SND1: variants seen among roughly 807,000 people sequenced by gnomAD.
SND1 encodes staphylococcal nuclease and tudor domain containing 1, also known as staphylococcal nuclease domain-containing protein 1.
A neutral mutation model predicts 121.7 loss-of-function variants in SND1; 38 were observed. The observed-to-expected ratio is 0.31, with a 90% CI of 0.24 to 0.41. The LOEUF (loss-of-function observed/expected upper bound fraction) is 0.41, where lower values mean the gene tolerates loss of function less well. Among genes scored for constraint, SND1 ranks in the 10% least tolerant of loss-of-function variants. The pLI, the probability that SND1 is intolerant of heterozygous loss-of-function variation, is 1.00. For missense variants in SND1, 868 were observed against 1,184.6 expected (o/e 0.73, Z 3.92); for synonymous variants, 401 against 447.4 (o/e 0.90, Z 1.31).
intron 1 of SND1, among the ~76,000 whole-genome samples, chr7:127,683,806 G>A (rs550370225): frequency 6.6e-6 from 1 of 152,164 alleles, no homozygotes; most frequent in African/African-American, 2.4e-5. Flanking sequence ...ATATTCAATG[G>A]TATAAAAGGT....
At chr7:127,802,974 CTT>C (rs1038057019) in intron 10 of SND1, among the ~76,000 whole-genome samples, 10 of 152,204 alleles carry the variant, frequency 6.6e-5, no homozygotes, top group Non-Finnish European at 1.2e-4. Flanking sequence ...GATGTAATCT[CTT>C]ATGATTTCCT....
rs541965579 is a variant in SND1, at chr7:128,028,463, A to AT, written c.1779+37409dup. 60 of 455,424 alleles carry AT rather than the reference A, an allele frequency of 1.3e-4. No individual in the cohort carries two copies. The East Asian group carries it at 2.2e-3, about 16-fold the overall frequency. 28.2% of individuals were successfully genotyped at this position (455,424 alleles called of 1,614,324 possible). On this transcript the variant is annotated intron_variant, in intron 16 of 23. Transcript: ENST00000354725. Reference sequence around the variant, plus strand: ...GCTTGTACCCCACAACGTTCCCAAGATTCCCCCCCACCCCCTTTAAATAGA... The same window carrying AT: ...GCTTGTACCCCACAACGTTCCCAAGATTTCCCCCCCACCCCCTTTAAATAGA...
intron 10 of SND1, among the ~76,000 whole-genome samples, chr7:127,790,509 T>G (rs1401470511): frequency 6.6e-6 from 1 of 152,230 alleles, no homozygotes; most frequent in Non-Finnish European, 1.5e-5. Flanking sequence ...CTTTTGCTCC[T>G]GCCATTTTTA....
chr7:127,860,761 C>A (rs1195610764), intron 12 of SND1, among the ~76,000 whole-genome samples: 1 of 152,110 alleles, frequency 6.6e-6, no homozygotes, highest in Non-Finnish European at 1.5e-5. Context: ...GCTAGCTAAC[C>A]AAAACTGTAT....
intron 12 of SND1, among the ~76,000 whole-genome samples, chr7:127,863,126 A>G (rs1179575596): frequency 6.6e-6 from 1 of 152,232 alleles, no homozygotes; most frequent in African/African-American, 2.4e-5. Context: ...ATGAAAATTA[A>G]TAACAACAGC....
intron 16 of SND1, among the ~76,000 whole-genome samples, chr7:128,021,918 T>C (rs1803357159): frequency 6.6e-6 from 1 of 151,884 alleles, no homozygotes; most frequent in Non-Finnish European, 1.5e-5. Context: ...AGAAGGTAGG[T>C]GGGGGCTGGG....
chr7:127,991,175 A>G, intron 16 of SND1, 119 bp downstream of exon 16: 1 of 680,404 alleles, frequency 1.5e-6, no homozygotes, highest in Non-Finnish European at 2.5e-6. Flanking sequence ...GCACATCCAT[A>G]ATCCATTCTT....
At chr7:127,955,286 T>C (rs574132500) in intron 15 of SND1, among the ~76,000 whole-genome samples, 5 of 152,318 alleles carry the variant, frequency 3.3e-5, no homozygotes, top group Admixed American at 3.3e-4. Flanking sequence ...CACTGGGCTG[T>C]TTAAGGTTGT....
intron 10 of SND1, among the ~76,000 whole-genome samples, chr7:127,739,462 A>G (rs1347349885): frequency 6.6e-6 from 1 of 152,110 alleles, no homozygotes; most frequent in Non-Finnish European, 1.5e-5. Flanking sequence ...GACAACCATC[A>G]TGATTTCTTT....
chr7:127,897,244 T>C (rs1280713678), intron 13 of SND1, among the ~76,000 whole-genome samples: 1 of 152,180 alleles, frequency 6.6e-6, no homozygotes, highest in Non-Finnish European at 1.5e-5. Flanking sequence ...ATCTCTGGGC[T>C]ATGGCAATGA....
chr7:127,728,591 G>A (rs969105327), intron 10 of SND1, among the ~76,000 whole-genome samples: 14 of 152,186 alleles, frequency 9.2e-5, no homozygotes, highest in African/African-American at 3.1e-4. Flanking sequence ...CTGTAGCATC[G>A]TGCACTGTTT....
At chr7:128,014,566 G>A (rs770820057) in intron 16 of SND1, among the ~76,000 whole-genome samples, 1 of 152,154 alleles carries the variant, frequency 6.6e-6, no homozygotes, top group African/African-American at 2.4e-5. Flanking sequence ...CACTTGTGTC[G>A]TCCTCCTTAG....
chr7:128,089,664 T>G lies in SND1; in HGVS notation c.2594T>G (p.Val865Gly), dbSNP rs1157234919. The G allele has an allele frequency of 6.2e-7, 1 of 1,613,590 alleles. No individual in the cohort carries two copies. The highest frequency in any genetic ancestry group is 2.2e-5 in the East Asian group (1 of 44,862). ...LVKEGLVMVE[V>G]RKEKQFQKVI... The stretch of plus-strand genomic sequence containing the variant: ...AAGGAAGGGCTGGTCATGGTGGAGG[T>G]GCGCAAGGAGAAACAGTTCCAGAAA... Residue 865 changes from valine (V) to glycine (G), a missense_variant, in exon 22 of 24, where the codon GTG (valine) becomes GGG (glycine). Val to Gly is a moderately radical substitution (Grantham distance 109). Around this residue, in one of 2 missense-constraint regions of SND1, gnomAD observed 743 missense variants for 1,071.3 expected, o/e 0.69. Transcript: ENST00000354725.
At chr7:127,676,536 CA>C (rs1187242750) in intron 1 of SND1, among the ~76,000 whole-genome samples, 1 of 152,182 alleles carries the variant, frequency 6.6e-6, no homozygotes, top group Non-Finnish European at 1.5e-5. Context: ...GACAGTTTGT[CA>C]AGTATGAAGT....
At chr7:128,031,065 G>A (rs1249023393) in intron 16 of SND1, 1 of 148,808 alleles carries the variant, frequency 6.7e-6, no homozygotes, top group Non-Finnish European at 1.5e-5. Context: ...GAGGGGAGGG[G>A]AGGGAAGGGG....
chr7:127,957,563 A>C (rs958288724), intron 15 of SND1, among the ~76,000 whole-genome samples: 1 of 152,110 alleles, frequency 6.6e-6, no homozygotes, highest in Non-Finnish European at 1.5e-5. Context: ...AAATGGCAAA[A>C]AGTTATACCG....
In SND1 at chr7:127,904,820, G is replaced by T; in HGVS notation, c.1527+1G>T. 6.3e-7 allele frequency: 1 copy of T among 1,593,420 alleles called. No individual in the cohort carries two copies. The highest frequency in any genetic ancestry group is 8.6e-7 in the Non-Finnish European group (1 of 1,161,310). ...CCACCGTGTTGCAGATATATCTGGG[G>T]TGAGTCGAGTCCCTGAATCAAGCTG... On this transcript the variant is annotated splice_donor_variant, in intron 14 of 23. Coordinates refer to ENST00000354725, the MANE Select transcript of SND1 (RefSeq NM_014390.4). LOFTEE classifies it high-confidence loss of function.
At chr7:127,935,673 G>A (rs1169186680) in intron 15 of SND1, among the ~76,000 whole-genome samples, 1 of 152,210 alleles carries the variant, frequency 6.6e-6, no homozygotes, top group Non-Finnish European at 1.5e-5. Flanking sequence ...AAAGTGAGTA[G>A]GCATGCTATT....
Position 128,052,149 on chromosome 7 carries a change from C to T in SND1, c.1780-22353C>T, listed in dbSNP as rs1347099756. Reference sequence around the variant, plus strand: ...GATGACCTTCAGTTCAGTTGGAGTGCTCTGGAACTCACTAGGGCTTTCTGA... The same window carrying T: ...GATGACCTTCAGTTCAGTTGGAGTGTTCTGGAACTCACTAGGGCTTTCTGA... On this transcript the variant is annotated intron_variant, in intron 16 of 23. Coordinates refer to ENST00000354725, the MANE Select transcript of SND1 (RefSeq NM_014390.4). The surrounding 1 kb of genome is among the most constrained non-coding windows in gnomAD (Gnocchi z 4.6). Among the ~76,000 whole-genome samples, 1 of 152,190 alleles carries T rather than the reference C, an allele frequency of 6.6e-6. No individual in the cohort carries two copies. The highest frequency in any genetic ancestry group is 2.4e-5 in the African/African-American group (1 of 41,432).
Sources: allele counts gnomAD v4.1 joint callset (sites outside exome capture counted in the v4.1 genomes callset), GRCh38; gene constraint gnomAD v4.1.1; regional missense constraint gnomAD v4.1.1; non-coding constraint Gnocchi (gnomAD v3.1); transcripts MANE v1.5; gene names NCBI Gene and HGNC (gene_info 2026-07-23, HGNC 2026-07-21).